RCAN2: variants seen among roughly 807,000 people sequenced by gnomAD.
The protein encoded by RCAN2 is calcipressin-2.
Under a neutral mutation model 23.6 loss-of-function variants are expected in RCAN2, and 9 were observed. That is an observed-to-expected ratio of 0.38 (90% CI 0.23 to 0.67). The LOEUF is 0.67. Ranked by LOEUF, RCAN2 falls within the 30% of genes least tolerant of loss-of-function variation. RCAN2 has a pLI of 0.51. For missense variants in RCAN2, 273 were observed against 302.3 expected (o/e 0.90, Z 0.72); for synonymous variants, 109 against 115.7 (o/e 0.94, Z 0.37).
At chr6:46,370,812 G>A (rs1765302441) in intron 2 of RCAN2, among the ~76,000 whole-genome samples, 1 of 152,206 alleles carries the variant, frequency 6.6e-6, no homozygotes, top group African/African-American at 2.4e-5. Flanking sequence ...CACCTTTGTG[G>A]TTTCCTCAGA....
At chr6:46,298,006 T>G (rs1762774098) in intron 2 of RCAN2, among the ~76,000 whole-genome samples, 1 of 152,066 alleles carries the variant, frequency 6.6e-6, no homozygotes, top group Non-Finnish European at 1.5e-5. Context: ...CCACCAAATA[T>G]CAAACTAGTT....
intron 2 of RCAN2, among the ~76,000 whole-genome samples, chr6:46,287,239 G>A (rs1347641922): frequency 6.6e-6 from 1 of 152,188 alleles, no homozygotes. Flanking sequence ...ACAGGTGGCA[G>A]GGCTGAGTGA....
intron 2 of RCAN2, among the ~76,000 whole-genome samples, chr6:46,296,480 T>C (rs1762733429): frequency 6.6e-6 from 1 of 152,134 alleles, no homozygotes; most frequent in African/African-American, 2.4e-5. Flanking sequence ...ACCTAATAAA[T>C]AGACACTTAT....
chr6:46,406,307 T>A (rs1766405577), intron 2 of RCAN2, among the ~76,000 whole-genome samples: 1 of 152,034 alleles, frequency 6.6e-6, no homozygotes, highest in Admixed American at 6.5e-5. Flanking sequence ...CTCTGAGGAG[T>A]GCCAGCACGC....
intron 2 of RCAN2, among the ~76,000 whole-genome samples, chr6:46,389,032 T>A (rs1765853294): frequency 6.6e-6 from 1 of 152,208 alleles, no homozygotes. Context: ...GTTTTCTATA[T>A]ATCATGAGGT....
At chr6:46,361,378 A>T (rs2150383651) in intron 2 of RCAN2, among the ~76,000 whole-genome samples, 1 of 152,322 alleles carries the variant, frequency 6.6e-6, no homozygotes, top group Non-Finnish European at 1.5e-5. Context: ...CCATAATGCC[A>T]CAACTCCAGG....
intron 2 of RCAN2, among the ~76,000 whole-genome samples, chr6:46,299,372 G>A (rs1762832068): frequency 1.3e-5 from 2 of 152,012 alleles, no homozygotes; most frequent in South Asian, 4.1e-4. Flanking sequence ...TATAGTTCAT[G>A]ACAGAGAATT....
chr6:46,396,606 C>T (rs1279761686), intron 2 of RCAN2, among the ~76,000 whole-genome samples: 2 of 152,162 alleles, frequency 1.3e-5, no homozygotes, highest in South Asian at 2.1e-4. Flanking sequence ...CACGGCTGTA[C>T]TGGTAATTTG....
intron 2 of RCAN2, among the ~76,000 whole-genome samples, chr6:46,278,837 T>C (rs1434234204): frequency 6.6e-6 from 1 of 152,194 alleles, no homozygotes; most frequent in East Asian, 1.9e-4. Context: ...TAAAATTCCA[T>C]GTACTGGATG....
chr6:46,304,751 C>A (rs1763011208), intron 2 of RCAN2, among the ~76,000 whole-genome samples: 2 of 151,948 alleles, frequency 1.3e-5, no homozygotes, highest in South Asian at 4.2e-4. Flanking sequence ...TTGGGGTAGG[C>A]AGGGGAATTT....
At chr6:46,302,900 C>T (rs2150352076) in intron 2 of RCAN2, among the ~76,000 whole-genome samples, 1 of 152,090 alleles carries the variant, frequency 6.6e-6, no homozygotes, top group South Asian at 2.1e-4. Flanking sequence ...TGTGACCCAT[C>T]TAAGGTCACA....
At chr6:46,388,289 AAAAAAAG>A (rs1765827571) in intron 2 of RCAN2, among the ~76,000 whole-genome samples, 1 of 151,830 alleles carries the variant, frequency 6.6e-6, no homozygotes, top group Non-Finnish European at 1.5e-5. Context: ...ATAAATTTTA[AAAAAAAG>A]AAACAACAGA....
intron 4 of RCAN2, among the ~76,000 whole-genome samples, chr6:46,240,179 C>T (rs1053799059): frequency 2.6e-5 from 4 of 152,202 alleles, no homozygotes; most frequent in African/African-American, 9.7e-5. Context: ...TCCACAACAA[C>T]TGTGAGGACA....
intron 2 of RCAN2, among the ~76,000 whole-genome samples, chr6:46,427,611 C>T (rs1767067441): frequency 6.6e-6 from 1 of 152,178 alleles, no homozygotes; most frequent in Non-Finnish European, 1.5e-5. Context: ...ACATACCTAT[C>T]AGATTAATAC....
At chr6:46,373,211 C>A (rs1765366667) in intron 2 of RCAN2, among the ~76,000 whole-genome samples, 1 of 152,114 alleles carries the variant, frequency 6.6e-6, no homozygotes, top group South Asian at 2.1e-4. Context: ...GCTACGGGGT[C>A]AAGAAACATA....
At chr6:46,362,251 C>A (rs1219520740) in intron 2 of RCAN2, among the ~76,000 whole-genome samples, 2 of 151,992 alleles carry the variant, frequency 1.3e-5, no homozygotes, top group Admixed American at 1.3e-4. Context: ...TCGTCTTTTT[C>A]TTTTTCCCAC....
intron 2 of RCAN2, among the ~76,000 whole-genome samples, chr6:46,265,222 T>G (rs1031279335): frequency 1.8e-4 from 27 of 152,166 alleles, no homozygotes; most frequent in Admixed American, 1.2e-3. Flanking sequence ...GCAGCTCAGA[T>G]TAGAAGCACC....
intron 2 of RCAN2, among the ~76,000 whole-genome samples, chr6:46,272,310 T>C (rs1210915113): frequency 1.3e-5 from 2 of 152,220 alleles, no homozygotes; most frequent in African/African-American, 4.8e-5. Flanking sequence ...TACTTCTACC[T>C]GCCCCTCACC....
intron 2 of RCAN2, among the ~76,000 whole-genome samples, chr6:46,411,427 G>A (rs1015101908): frequency 4.3e-4 from 65 of 152,248 alleles, no homozygotes; most frequent in African/African-American, 1.4e-3. Context: ...GCACAACAAC[G>A]TGAATGCAGT....
Sources: gnomAD v4.1 joint callset for allele counts (sites outside exome capture counted in the v4.1 genomes callset) on GRCh38, gnomAD v4.1.1 for gene constraint, MANE v1.5 for transcripts, NCBI Gene and HGNC (gene_info 2026-07-23, HGNC 2026-07-21) for gene names.